Variants in ADAMTS6 observed in about 807,000 individuals in gnomAD.
The protein encoded by ADAMTS6 is A disintegrin and metalloproteinase with thrombospondin motifs 6.
ADAMTS6 carries 23 observed loss-of-function variants against 144.3 expected under a neutral mutation model. The ratio of observed to expected loss-of-function variants is 0.16; its 90% CI spans 0.11 to 0.23. ADAMTS6 has a LOEUF of 0.23. ADAMTS6 is among the 10% of genes least tolerant of loss of function. ADAMTS6 has a pLI of 1.00. For synonymous variants in ADAMTS6, 444 were observed against 457.5 expected, an observed-to-expected ratio of 0.97 and a Z score of 0.38; for missense variants, 999 against 1,379.6, an observed-to-expected ratio of 0.72 and a Z score of 4.37.
At chr5:65,288,921 C>A (rs1742014323) in intron 11 of ADAMTS6, among the ~76,000 whole-genome samples, 2 of 152,090 alleles carry the variant, frequency 1.3e-5, no homozygotes, top group South Asian at 4.1e-4. Flanking sequence ...TTGTTTAAAA[C>A]CTTAGGGATT....
chr5:65,174,547 T>C (rs1753848164), intron 22 of ADAMTS6, among the ~76,000 whole-genome samples: 3 of 152,210 alleles, frequency 2.0e-5, no homozygotes, highest in African/African-American at 4.8e-5. Flanking sequence ...ACTTGGAGTC[T>C]GGACATCTGA....
intron 7 of ADAMTS6, among the ~76,000 whole-genome samples, chr5:65,392,844 A>G (rs1753033737): frequency 3.9e-5 from 6 of 152,220 alleles, no homozygotes. Flanking sequence ...CAGCAATCTT[A>G]CAGCTATCTG....
At chr5:65,183,404 A>T (rs1271660903) in intron 22 of ADAMTS6, among the ~76,000 whole-genome samples, 1 of 152,040 alleles carries the variant, frequency 6.6e-6, no homozygotes, top group Non-Finnish European at 1.5e-5. Context: ...ATGCTGTTAT[A>T]ATATTTTAAT....
intron 7 of ADAMTS6, among the ~76,000 whole-genome samples, chr5:65,416,596 C>A (rs1384377094): frequency 6.6e-6 from 1 of 151,790 alleles, no homozygotes; most frequent in Non-Finnish European, 1.5e-5. Flanking sequence ...CAAAAATTAG[C>A]CAGGCATGGC....
At chr5:65,320,402 TAAAG>T (rs1003000262) in intron 9 of ADAMTS6, among the ~76,000 whole-genome samples, 1 of 152,090 alleles carries the variant, frequency 6.6e-6, no homozygotes, top group African/African-American at 2.4e-5. Context: ...CTATATCTAA[TAAAG>T]AAATTAAATT....
At chr5:65,324,020 C>A (rs1745922639) in intron 9 of ADAMTS6, among the ~76,000 whole-genome samples, 1 of 152,040 alleles carries the variant, frequency 6.6e-6, no homozygotes, top group South Asian at 2.1e-4. Context: ...GGATATTAGA[C>A]CTTTGTCAGA....
At chr5:65,207,285 A>C (rs1228584605) in intron 20 of ADAMTS6, among the ~76,000 whole-genome samples, 2 of 152,310 alleles carry the variant, frequency 1.3e-5, no homozygotes, top group East Asian at 3.9e-4. Flanking sequence ...CTAGGAAAAA[A>C]AATTGGAGAA....
intron 21 of ADAMTS6, among the ~76,000 whole-genome samples, chr5:65,188,986 A>G (rs1464708625): frequency 6.6e-6 from 1 of 152,346 alleles, no homozygotes; most frequent in East Asian, 1.9e-4. Flanking sequence ...CCAGGTATCC[A>G]TCCTGAGAAC....
At chr5:65,369,149 G>A (rs1455125040) in intron 7 of ADAMTS6, among the ~76,000 whole-genome samples, 1 of 152,176 alleles carries the variant, frequency 6.6e-6, no homozygotes, top group African/African-American at 2.4e-5. Context: ...GATCCCAGGA[G>A]TTTGAAGCTG....
intron 7 of ADAMTS6, among the ~76,000 whole-genome samples, chr5:65,338,966 G>A (rs745349472): frequency 6.6e-6 from 1 of 152,104 alleles, no homozygotes; most frequent in Non-Finnish European, 1.5e-5. Context: ...CAGCCAAGCA[G>A]CTGTGCACTC....
intron 14 of ADAMTS6, among the ~76,000 whole-genome samples, chr5:65,242,431 C>CAATTTCCCT (rs1359539704): frequency 6.6e-6 from 1 of 152,184 alleles, no homozygotes; most frequent in East Asian, 1.9e-4. Context: ...AAGCGTTACA[C>CAATTTCCCT]AATTTCCCTA....
chr5:65,216,608 A>G (rs1756937470), intron 18 of ADAMTS6, among the ~76,000 whole-genome samples: 2 of 152,180 alleles, frequency 1.3e-5, no homozygotes, highest in Non-Finnish European at 2.9e-5. Flanking sequence ...TAAATGCCAG[A>G]TGGGTAAATA....
In ADAMTS6 at chr5:65,460,043, C is replaced by T. The variant is rs1250451165; in HGVS notation, c.631+127G>A. 4 of 1,023,036 alleles carry T rather than the reference C, an allele frequency of 3.9e-6. No individual in the cohort carries two copies. The Admixed American group carries it at 9.8e-5, about 25-fold the overall frequency. 63.4% of individuals were successfully genotyped at this position (1,023,036 alleles called of 1,614,324 possible). On this transcript the variant is annotated intron_variant, in intron 4 of 24. Coordinates refer to ENST00000381055, the MANE Select transcript of ADAMTS6 (RefSeq NM_197941.4). Reference sequence around the variant, plus strand: ...TGGTAGGTGACATCTATTAAAAGGGCTCTGGACATTATAATTGTAGTCAAA... The same window carrying T: ...TGGTAGGTGACATCTATTAAAAGGGTTCTGGACATTATAATTGTAGTCAAA...
chr5:65,349,503 A>T (rs576870167), intron 7 of ADAMTS6, among the ~76,000 whole-genome samples: 4 of 152,280 alleles, frequency 2.6e-5, no homozygotes, highest in African/African-American at 9.6e-5. Flanking sequence ...CCAACTGATA[A>T]GAAACAGCTG....
chr5:65,179,255 A>G (rs1754181457), intron 22 of ADAMTS6, among the ~76,000 whole-genome samples: 4 of 152,178 alleles, frequency 2.6e-5, no homozygotes, highest in Admixed American at 2.6e-4. Flanking sequence ...TTTTATGGTT[A>G]TTATAAGTGT....
At chr5:65,199,584 C>T (rs993687159) in intron 20 of ADAMTS6, among the ~76,000 whole-genome samples, 2 of 151,908 alleles carry the variant, frequency 1.3e-5, no homozygotes, top group African/African-American at 2.4e-5. Flanking sequence ...TAAAACTGAC[C>T]CATAGTCCAA....
intron 24 of ADAMTS6, among the ~76,000 whole-genome samples, chr5:65,168,849 T>C (rs1753400968): frequency 1.4e-5 from 2 of 147,596 alleles, no homozygotes; most frequent in Admixed American, 1.4e-4. Flanking sequence ...AAGCTGAAAC[T>C]GGATCCCTTC....
At chr5:65,155,280 A>T (rs947010849) in intron 24 of ADAMTS6, among the ~76,000 whole-genome samples, 21 of 152,146 alleles carry the variant, frequency 1.4e-4, no homozygotes, top group Non-Finnish European at 2.9e-5. Context: ...GTGTTGCTCA[A>T]TGATGGGGAT....
intron 12 of ADAMTS6, among the ~76,000 whole-genome samples, chr5:65,263,414 TAA>T (rs747254767): frequency 0.036 from 4,469 of 123,146 alleles, 227 homozygotes; most frequent in African/African-American, 0.12. Flanking sequence ...TGCTCTTTCT[TAA>T]AAAAAAAAAA....
Sources: allele counts gnomAD v4.1 joint callset (sites outside exome capture counted in the v4.1 genomes callset), GRCh38; gene constraint gnomAD v4.1.1; transcripts MANE v1.5; gene names NCBI Gene and HGNC (gene_info 2026-07-23, HGNC 2026-07-21).